Variants in TRPC1 observed in about 807,000 individuals in gnomAD.
TRPC1 encodes the protein transient receptor potential cation channel subfamily C member 1, also known as short transient receptor potential channel 1.
Under a neutral mutation model 88.2 loss-of-function variants are expected in TRPC1, and 42 were observed. That is an observed-to-expected ratio of 0.48 (90% CI 0.37 to 0.62). TRPC1 has a LOEUF of 0.62. TRPC1 is among the 20% of genes least tolerant of loss of function. The probability of loss-of-function intolerance (pLI) is 0.00; values close to 1 mark genes in which losing one functional copy is unlikely to be tolerated. For synonymous variants in TRPC1, 288 were observed against 331.8 expected, an observed-to-expected ratio of 0.87 and a Z score of 1.43; for missense variants, 699 against 957.3, an observed-to-expected ratio of 0.73 and a Z score of 3.56.
At chr3:142,757,855 A>G (rs1352674896) in intron 4 of TRPC1, among the ~76,000 whole-genome samples, 1 of 152,158 alleles carries the variant, frequency 6.6e-6, no homozygotes, top group Non-Finnish European at 1.5e-5. Flanking sequence ...ACATATATGT[A>G]TTTATTGGGT....
intron 9 of TRPC1, among the ~76,000 whole-genome samples, chr3:142,794,476 C>G (rs966325960): frequency 6.6e-6 from 1 of 151,970 alleles, no homozygotes; most frequent in Non-Finnish European, 1.5e-5. Flanking sequence ...ATATATGAAA[C>G]AACAGCTTAT....
At chr3:142,786,347 AC>A (rs1442220623) in intron 7 of TRPC1, among the ~76,000 whole-genome samples, 2 of 152,196 alleles carry the variant, frequency 1.3e-5, no homozygotes, top group Non-Finnish European at 2.9e-5. Context: ...CTTTAGCTAT[AC>A]AAATACTTTT....
intron 1 of TRPC1, among the ~76,000 whole-genome samples, chr3:142,730,989 A>C (rs1933880674): frequency 6.6e-6 from 1 of 152,250 alleles, no homozygotes. Context: ...CTAATGAGGA[A>C]GAGGTGGAAT....
intron 1 of TRPC1, among the ~76,000 whole-genome samples, chr3:142,727,762 T>C (rs1933742240): frequency 6.6e-6 from 1 of 152,162 alleles, no homozygotes; most frequent in Admixed American, 6.5e-5. Flanking sequence ...TAAAACTTAA[T>C]TGAAACAAGA....
At position 142,784,685 on chromosome 3, in the gene TRPC1, GTGTGTA is replaced by G; in HGVS notation, c.961-15_961-10del. The G allele has an allele frequency of 6.4e-7, 1 of 1,572,060 alleles. No homozygotes were observed. On this transcript the variant is annotated splice_polypyrimidine_tract_variant and intron_variant, in intron 6 of 12. Transcript: ENST00000476941. ...CTTTTACTTTTTTTCTTTTTAATGT[GTGTGTA>G]TGTCCTTTTCAGTTTGTCTCCCAGT...
At chr3:142,803,853 T>TA in intron 10 of TRPC1, 124 bp from the exon 11 acceptor site, 1 of 1,014,374 alleles carries the variant, frequency 9.9e-7, no homozygotes, top group East Asian at 2.6e-5. Flanking sequence ...CAACATCATT[T>TA]TTAAATAAGG....
At position 142,804,004 on chromosome 3, in the gene TRPC1, C is replaced by G; in HGVS notation, c.1785C>G (p.Phe595Leu). Residue 595 changes from phenylalanine to leucine, a missense_variant, in exon 11 of 13, where the codon TTC becomes TTG. Transcript: ENST00000476941. Reference protein sequence around the residue: ...HSFIGTCFALFWYIFSLAHVA... With the variant: ...HSFIGTCFALLWYIFSLAHVA... Reference sequence around the variant, plus strand: ...TCATTGGCACCTGCTTTGCTTTGTTCTGGTATATTTTCTCCTTAGCGCATG... The same window carrying G: ...TCATTGGCACCTGCTTTGCTTTGTTGTGGTATATTTTCTCCTTAGCGCATG... 1 of 1,613,552 alleles carries G rather than the reference C, an allele frequency of 6.2e-7. No individual in the cohort carries two copies. Among genetic ancestry groups the G allele is most frequent in the Non-Finnish European group, 8.5e-7 (1 of 1,179,716 alleles).
chr3:142,743,601 A>G lies in TRPC1; in HGVS notation c.429+15A>G, dbSNP rs751650935. The G allele has an allele frequency of 1.0e-5, 15 of 1,428,928 alleles. No individual in the cohort carries two copies. Among genetic ancestry groups the G allele is most frequent in the Middle Eastern group, 1.8e-4 (1 of 5,592 alleles). The allele number at this position is 1,428,928 out of a possible 1,614,324, so 88.5% of individuals were successfully genotyped here. The stretch of plus-strand genomic sequence containing the variant: ...CAACTATAGTAGTTAGTACTCTTAA[A>G]TATTTATTAATTTGGATTTTTAAAC... On this transcript the variant is annotated intron_variant, in intron 3 of 12. Transcript: ENST00000476941.
At position 142,783,488 on chromosome 3, in the gene TRPC1, C is replaced by T. The variant is rs938016552; in HGVS notation, c.961-1216C>T. On this transcript the variant is annotated intron_variant, in intron 6 of 12. Transcript: ENST00000476941. ...ATTACTTATAACACCTAATACAGTG[C>T]CTACACATCATTTCATTCATGTGGA... 3.5e-4 allele frequency among the ~76,000 whole-genome samples: 54 copies of T among 152,282 alleles called. 1 individual carries two copies. Among genetic ancestry groups the T allele is most frequent in the Middle Eastern group, 3.4e-3 (1 of 294 alleles).
At chr3:142,773,411 C>T (rs533753226) in intron 4 of TRPC1, among the ~76,000 whole-genome samples, 48 of 151,828 alleles carry the variant, frequency 3.2e-4, no homozygotes, top group Middle Eastern at 3.4e-3. Context: ...TAAATATGCT[C>T]ACAGTACTAA....
Position 142,767,473 on chromosome 3 carries a change from G to C in TRPC1, c.633-10159G>C, listed in dbSNP as rs1349247446. On this transcript the variant is annotated intron_variant, in intron 4 of 12. Transcript: ENST00000476941. This position sits in a 1 kb window ranked among gnomAD's most constrained non-coding sequence, Gnocchi z 5.1. The stretch of plus-strand genomic sequence containing the variant: ...TTGCTGTTTTACTTTCACATATCAG[G>C]GAGTTTCCTAGATTTCCTTTTTTTG... Among the ~76,000 whole-genome samples, 1 of 149,396 alleles carries C rather than the reference G, an allele frequency of 6.7e-6. No individual in the cohort carries two copies. Among genetic ancestry groups the C allele is most frequent in the African/African-American group, 2.5e-5 (1 of 39,788 alleles).
At chr3:142,753,429 G>T (rs1355641883) in intron 4 of TRPC1, among the ~76,000 whole-genome samples, 3 of 152,134 alleles carry the variant, frequency 2.0e-5, no homozygotes, top group African/African-American at 7.2e-5. Flanking sequence ...TCATTTCTGG[G>T]AATTGCTAAG....
chr3:142,732,335 T>C (rs1168572829), intron 1 of TRPC1, among the ~76,000 whole-genome samples: 1 of 152,118 alleles, frequency 6.6e-6, no homozygotes, highest in African/African-American at 2.4e-5. Flanking sequence ...TTATGTCAGC[T>C]TTGAGTTTTC....
At chr3:142,743,058 T>C (rs753159093) in intron 2 of TRPC1, among the ~76,000 whole-genome samples, 17 of 152,188 alleles carry the variant, frequency 1.1e-4, no homozygotes, top group African/African-American at 2.4e-4. Flanking sequence ...TTGATGATAA[T>C]CATTTTCATT....
chr3:142,769,400 G>A (rs1479138), intron 4 of TRPC1, among the ~76,000 whole-genome samples: 10,665 of 151,694 alleles, frequency 0.07, 1,218 homozygotes, highest in African/African-American at 0.24. Context: ...TCAGTGTTGC[G>A]CAGGCTGGTC....
At chr3:142,757,726 T>A (rs780496596) in intron 4 of TRPC1, among the ~76,000 whole-genome samples, 5 of 152,046 alleles carry the variant, frequency 3.3e-5, no homozygotes, top group Non-Finnish European at 4.4e-5. Flanking sequence ...ACAGGTTGAT[T>A]GGTGCAGCAA....
At chr3:142,783,286 G>A (rs974906463) in intron 6 of TRPC1, among the ~76,000 whole-genome samples, 5 of 152,136 alleles carry the variant, frequency 3.3e-5, no homozygotes, top group Non-Finnish European at 7.4e-5. Flanking sequence ...TACTAAACCT[G>A]GTCATTGGTG....
chr3:142,799,018 C>T (rs765789355), intron 9 of TRPC1, among the ~76,000 whole-genome samples: 8 of 152,080 alleles, frequency 5.3e-5, no homozygotes, highest in Non-Finnish European at 1.2e-4. Flanking sequence ...AAGATATGAT[C>T]CACCTAACAC....
In TRPC1 at chr3:142,773,839, C is replaced by T. The variant is rs114240986; in HGVS notation, c.633-3793C>T. Among the ~76,000 whole-genome samples, 870 of 149,394 alleles carry T rather than the reference C, an allele frequency of 5.8e-3. 4 individuals carry two copies. The highest frequency in any genetic ancestry group is 9.0e-3 in the Non-Finnish European group (608 of 67,674). ...ATAGTGGTAAACCTCTAATGTTGCT[C>T]CTCAGGGAGGCACCTTTTCCTTGAA... On this transcript the variant is annotated intron_variant, in intron 4 of 12. Transcript: ENST00000476941.
Sources: allele counts gnomAD v4.1 joint callset (sites outside exome capture counted in the v4.1 genomes callset), GRCh38; gene constraint gnomAD v4.1.1; non-coding constraint Gnocchi (gnomAD v3.1); transcripts MANE v1.5; gene names NCBI Gene and HGNC (gene_info 2026-07-23, HGNC 2026-07-21).